Variants in KYAT1 observed in about 807,000 individuals in gnomAD.
KYAT1 encodes the protein kynurenine aminotransferase 1, also known as kynurenine--oxoglutarate transaminase 1.
In KYAT1, 47 loss-of-function variants were observed where a neutral mutation model predicts 52.4. That is an observed-to-expected ratio of 0.90 (90% confidence interval 0.71 to 1.14). The LOEUF is 1.14. KYAT1 is among the 50% of genes most tolerant of loss of function. The probability of loss-of-function intolerance (pLI) is 0.00; values close to 1 mark genes in which losing one functional copy is unlikely to be tolerated. For synonymous variants in KYAT1, 212 were observed against 209.6 expected, an observed-to-expected ratio of 1.01 and a Z score of -0.10; for missense variants, 480 against 557.9, an observed-to-expected ratio of 0.86 and a Z score of 1.41.
At chr9:128,850,717 G>C (rs924624093) in intron 1 of KYAT1, among the ~76,000 whole-genome samples, 2 of 152,230 alleles carry the variant, frequency 1.3e-5, no homozygotes, top group African/African-American at 4.8e-5. Flanking sequence ...TCATGAAGTT[G>C]AGATAGAGGA....
At chr9:128,837,946 G>A in intron 5 of KYAT1, 105 bp downstream of exon 5, 1 of 1,492,238 alleles carries the variant, frequency 6.7e-7, no homozygotes, top group Non-Finnish European at 9.3e-7. Flanking sequence ...CAGCTTAGAG[G>A]AACTGGCTTC....
At chr9:128,871,211 G>C (rs1282327852) in intron 1 of KYAT1, among the ~76,000 whole-genome samples, 2 of 151,804 alleles carry the variant, frequency 1.3e-5, no homozygotes, top group Non-Finnish European at 2.9e-5. Context: ...CCAGCTACTC[G>C]GGAAGCTGAA....
intron 3 of KYAT1, 56 bp downstream of exon 3, chr9:128,842,598 A>C: frequency 6.4e-7 from 1 of 1,567,036 alleles, no homozygotes; most frequent in Non-Finnish European, 8.7e-7. Context: ...CTTGAAGTCC[A>C]GAAAGCCCTG....
At chr9:128,882,374 C>T (rs1276912473), upstream of KYAT1, 3 of 224,254 alleles carry the variant, frequency 1.3e-5, no homozygotes, top group African/African-American at 6.8e-5. Context: ...TCCGGGCCGG[C>T]CCCCTGGGGA....
At chr9:128,870,411 G>A (rs1474150259) in intron 1 of KYAT1, among the ~76,000 whole-genome samples, 1 of 152,210 alleles carries the variant, frequency 6.6e-6, no homozygotes. Flanking sequence ...ACTTTGGAAG[G>A]CTGACGTGGG....
intron 1 of KYAT1, among the ~76,000 whole-genome samples, chr9:128,878,922 G>T (rs1014762675): frequency 6.6e-6 from 1 of 152,206 alleles, no homozygotes; most frequent in Non-Finnish European, 1.5e-5. Context: ...CTGAGGCTTA[G>T]AGAGGGGAAA....
chr9:128,863,407 C>T (rs967061865), intron 1 of KYAT1, among the ~76,000 whole-genome samples: 2 of 151,064 alleles, frequency 1.3e-5, no homozygotes, highest in Non-Finnish European at 3.0e-5. Context: ...CTGAGGTGGG[C>T]AGATCGCTTG....
intron 9 of KYAT1, 40 bp from the exon 10 acceptor site, chr9:128,835,707 C>T: frequency 6.2e-7 from 1 of 1,606,016 alleles, no homozygotes. Flanking sequence ...ATCAGCTGTT[C>T]CCTGACGCGG....
At chr9:128,856,765 G>A (rs1054148018) in intron 1 of KYAT1, among the ~76,000 whole-genome samples, 18 of 152,236 alleles carry the variant, frequency 1.2e-4, no homozygotes, top group Admixed American at 1.0e-3. Context: ...GCGGAAAGCC[G>A]CACGGACCTC....
intron 7 of KYAT1, among the ~76,000 whole-genome samples, 193 bp from the exon 8 acceptor site, chr9:128,836,266 T>TCTCC (rs1282938156): frequency 2.0e-5 from 3 of 149,934 alleles, no homozygotes; most frequent in African/African-American, 7.3e-5. Context: ...TCTCTCTCTC[T>TCTCC]CTCCCTCCCT....
intron 1 of KYAT1, among the ~76,000 whole-genome samples, chr9:128,864,928 A>T (rs1245048215): frequency 6.6e-6 from 1 of 151,768 alleles, no homozygotes; most frequent in African/African-American, 2.4e-5. Context: ...TTTTAATCCT[A>T]TAAGAAAGAT....
At chr9:128,849,919 T>C (rs1833716066) in intron 1 of KYAT1, among the ~76,000 whole-genome samples, 1 of 140,156 alleles carries the variant, frequency 7.1e-6, no homozygotes, top group African/African-American at 2.6e-5. Context: ...GGGTCTCACG[T>C]TGTTACCCAG....
chr9:128,842,129 G>T, intron 3 of KYAT1: 1 of 360,738 alleles, frequency 2.8e-6, no homozygotes, highest in Non-Finnish European at 5.8e-6. Context: ...CAGGGTCAAG[G>T]CTGCAGTGGA....
At chr9:128,837,123 G>A (rs1054550626) in intron 6 of KYAT1, among the ~76,000 whole-genome samples, 5 of 152,084 alleles carry the variant, frequency 3.3e-5, no homozygotes, top group East Asian at 1.9e-4. Context: ...GAGAAACCCC[G>A]TCTCTACTAA....
chr9:128,872,309 T>G (rs1272283417), intron 1 of KYAT1, among the ~76,000 whole-genome samples: 4 of 151,424 alleles, frequency 2.6e-5, no homozygotes, highest in Non-Finnish European at 4.4e-5. Flanking sequence ...CCAGGCGTGG[T>G]GGCGTGCACC....
intron 1 of KYAT1, among the ~76,000 whole-genome samples, chr9:128,866,680 C>T (rs776435114): frequency 8.6e-5 from 13 of 151,840 alleles, no homozygotes; most frequent in South Asian, 2.1e-4. Flanking sequence ...GAGGCTAAGG[C>T]GGGCAGATCA....
chr9:128,863,208 C>A (rs1835696991), intron 1 of KYAT1, among the ~76,000 whole-genome samples: 1 of 152,002 alleles, frequency 6.6e-6, no homozygotes. Flanking sequence ...AGTAGACACA[C>A]AAGGAGGAGG....
chr9:128,863,709 T>TG (rs1835779233), intron 1 of KYAT1, among the ~76,000 whole-genome samples: 1 of 152,170 alleles, frequency 6.6e-6, no homozygotes, highest in South Asian at 2.1e-4. Flanking sequence ...GGGAGCAACT[T>TG]GGGGGCTTGT....
intron 6 of KYAT1, among the ~76,000 whole-genome samples, 159 bp downstream of exon 6, chr9:128,837,526 C>T (rs980398627): frequency 3.3e-5 from 5 of 152,224 alleles, no homozygotes; most frequent in African/African-American, 7.2e-5. Context: ...ATTCTTGCCC[C>T]TGTCCTGGGA....
Sources: allele counts gnomAD v4.1 joint callset (sites outside exome capture counted in the v4.1 genomes callset), GRCh38; gene constraint gnomAD v4.1.1; transcripts MANE v1.5; gene names NCBI Gene and HGNC (gene_info 2026-07-23, HGNC 2026-07-21).